Variants in C8orf34 observed in about 807,000 individuals in gnomAD.
C8orf34 encodes the protein chromosome 8 open reading frame 34.
C8orf34 carries 65 observed loss-of-function variants against 68.3 expected under a neutral mutation model. That is an observed-to-expected ratio of 0.95 (90% CI 0.78 to 1.17). C8orf34 has a LOEUF of 1.17. C8orf34 is among the 50% of genes most tolerant of loss of function. The pLI is 0.00. For missense variants in C8orf34, 664 were observed against 655.4 expected, an observed-to-expected ratio of 1.01 and a Z score of -0.14; for synonymous variants, 244 against 241.2, an observed-to-expected ratio of 1.01 and a Z score of -0.11.
chr8:68,778,888 A>G (rs1474117363), intron 11 of C8orf34, among the ~76,000 whole-genome samples: 2 of 152,118 alleles, frequency 1.3e-5, no homozygotes, highest in Admixed American at 1.3e-4. Context: ...ACAATATCAC[A>G]TTACCAGGCT....
chr8:68,791,763 C>G (rs1387802109), intron 12 of C8orf34: 1 of 152,140 alleles, frequency 6.6e-6, no homozygotes, highest in African/African-American at 2.4e-5. Context: ...TAATTTGGCC[C>G]TGGGTCTCCT....
At chr8:68,696,037 C>T (rs974545235) in intron 8 of C8orf34, among the ~76,000 whole-genome samples, 4 of 151,776 alleles carry the variant, frequency 2.6e-5, no homozygotes, top group Non-Finnish European at 5.9e-5. Flanking sequence ...CCTGGTGGCT[C>T]ACGCCTGTAT....
At chr8:68,475,214 C>A (rs774705059) in intron 4 of C8orf34, among the ~76,000 whole-genome samples, 47 of 152,220 alleles carry the variant, frequency 3.1e-4, no homozygotes, top group Non-Finnish European at 5.1e-4. Context: ...AGCTTCAGCT[C>A]AAATACCATT....
intron 7 of C8orf34, among the ~76,000 whole-genome samples, chr8:68,613,595 C>T (rs924695796): frequency 2.6e-5 from 4 of 151,714 alleles, no homozygotes; most frequent in East Asian, 3.9e-4. Flanking sequence ...CAATTTCATC[C>T]GTGTCCCTAC....
intron 1 of C8orf34, among the ~76,000 whole-genome samples, chr8:68,354,315 G>A (rs778109683): frequency 6.6e-6 from 1 of 151,952 alleles, no homozygotes; most frequent in Non-Finnish European, 1.5e-5. Context: ...AATAATCATA[G>A]TACTATTCTA....
intron 1 of C8orf34, among the ~76,000 whole-genome samples, chr8:68,398,630 C>T (rs1808817933): frequency 6.6e-6 from 1 of 152,146 alleles, no homozygotes; most frequent in Non-Finnish European, 1.5e-5. Context: ...TTATGTGGTA[C>T]ATATTATGTT....
At chr8:68,512,475 A>C (rs1040310509) in intron 5 of C8orf34, among the ~76,000 whole-genome samples, 11 of 152,188 alleles carry the variant, frequency 7.2e-5, no homozygotes, top group African/African-American at 1.9e-4. Flanking sequence ...GATTTGGGGA[A>C]GGCTGTCAAA....
chr8:68,591,920 T>C (rs1404332938), intron 7 of C8orf34, among the ~76,000 whole-genome samples: 1 of 152,200 alleles, frequency 6.6e-6, no homozygotes, highest in African/African-American at 2.4e-5. Flanking sequence ...ATGAGTAAGA[T>C]ATTTTGTTTG....
chr8:68,725,408 T>C (rs1315665387), intron 10 of C8orf34, among the ~76,000 whole-genome samples: 1 of 152,214 alleles, frequency 6.6e-6, no homozygotes, highest in Non-Finnish European at 1.5e-5. Context: ...AATTAAAAAG[T>C]CTTCTGTAAA....
chr8:68,450,226 A>T (rs1056400331), intron 3 of C8orf34, among the ~76,000 whole-genome samples: 1 of 152,060 alleles, frequency 6.6e-6, no homozygotes, highest in Admixed American at 6.6e-5. Flanking sequence ...TTCAGATGCC[A>T]CTTCTATTTC....
intron 10 of C8orf34, among the ~76,000 whole-genome samples, chr8:68,724,268 A>G (rs189455354): frequency 6.6e-6 from 1 of 152,202 alleles, no homozygotes; most frequent in Non-Finnish European, 1.5e-5. Context: ...ATTATGAAGA[A>G]TTGGAACAAA....
At chr8:68,572,754 T>C (rs187915236) in intron 7 of C8orf34, among the ~76,000 whole-genome samples, 104 of 152,254 alleles carry the variant, frequency 6.8e-4, no homozygotes, top group African/African-American at 2.2e-3. Flanking sequence ...TTATGCCTGG[T>C]GTTTAGTTCT....
intron 3 of C8orf34, among the ~76,000 whole-genome samples, chr8:68,449,579 A>AT (rs36063723): frequency 0.037 from 5,669 of 151,942 alleles, 150 homozygotes; most frequent in Admixed American, 0.08. Context: ...CAGTCGCACA[A>AT]TTTTTTTTGT....
At chr8:68,394,769 A>T (rs1472962846) in intron 1 of C8orf34, among the ~76,000 whole-genome samples, 2 of 151,862 alleles carry the variant, frequency 1.3e-5, no homozygotes, top group Non-Finnish European at 1.5e-5. Context: ...TGCTGTTGCC[A>T]TCTAGTGGCC....
intron 10 of C8orf34, among the ~76,000 whole-genome samples, chr8:68,747,203 C>T (rs1299293261): frequency 1.3e-5 from 2 of 151,886 alleles, no homozygotes; most frequent in African/African-American, 4.8e-5. Flanking sequence ...GCTAAAAACT[C>T]TCAATAAATT....
chr8:68,342,310 A>G (rs1806104496), intron 1 of C8orf34, among the ~76,000 whole-genome samples: 1 of 152,214 alleles, frequency 6.6e-6, no homozygotes, highest in Non-Finnish European at 1.5e-5. Context: ...CCATAAGCAC[A>G]GTCTATAGGA....
intron 1 of C8orf34, among the ~76,000 whole-genome samples, chr8:68,391,237 A>C (rs79126377): frequency 2.1e-3 from 318 of 152,282 alleles, no homozygotes; most frequent in African/African-American, 7.1e-3. Flanking sequence ...TGATATTATA[A>C]TCCTAAAAAG....
In C8orf34 at chr8:68,788,436, G is replaced by T. The variant is rs961994531; in HGVS notation, c.1549+900G>T. Among the ~76,000 whole-genome samples the T allele has an allele frequency of 2.0e-5, 3 of 152,196 alleles. No individual in the cohort carries two copies. In the East Asian group the frequency reaches 5.8e-4, roughly 29 times the overall value. ...GGTCAGAGGGAGCACAGGCATGAGA[G>T]TGAGTGCTCAGGTTAGAGGAGGAGG... On this transcript the variant is annotated intron_variant, in intron 12 of 13. Transcript: ENST00000518698.
At chr8:68,344,382 G>A (rs946740470) in intron 1 of C8orf34, among the ~76,000 whole-genome samples, 4 of 152,132 alleles carry the variant, frequency 2.6e-5, no homozygotes, top group African/African-American at 9.7e-5. Flanking sequence ...TGTGATTTCT[G>A]GGTGTCAGGG....
Sources: allele counts gnomAD v4.1 joint callset (sites outside exome capture counted in the v4.1 genomes callset), GRCh38; gene constraint gnomAD v4.1.1; transcripts MANE v1.5; gene names NCBI Gene and HGNC (gene_info 2026-07-23, HGNC 2026-07-21).